Variants in NRXN3 observed in about 807,000 individuals in gnomAD.
NRXN3 encodes neurexin III.
A neutral mutation model predicts 137.6 loss-of-function variants in NRXN3; 32 were observed. That is an observed-to-expected ratio of 0.23 (90% CI 0.18 to 0.31). NRXN3 has a LOEUF of 0.31. Ranked by LOEUF, NRXN3 falls within the 10% of genes least tolerant of loss-of-function variation. NRXN3 has a pLI of 1.00. For missense variants in NRXN3, 1,574 were observed against 2,062.5 expected (o/e 0.76, Z 4.59); for synonymous variants, 798 against 784.5 (o/e 1.02, Z -0.29).
intron 20 of NRXN3, among the ~76,000 whole-genome samples, chr14:79,843,567 G>A (rs1239588158): frequency 6.6e-6 from 1 of 152,128 alleles, no homozygotes. Flanking sequence ...TTTAATCAGA[G>A]TACAACCTCT....
intron 1 of NRXN3, among the ~76,000 whole-genome samples, chr14:78,222,641 G>T (rs536262025): frequency 6.6e-6 from 1 of 152,278 alleles, no homozygotes; most frequent in East Asian, 1.9e-4. Context: ...GGAAGCCAGA[G>T]GGTGAGTGTG....
At chr14:79,675,822 T>G (rs914732066) in intron 17 of NRXN3, among the ~76,000 whole-genome samples, 2 of 152,122 alleles carry the variant, frequency 1.3e-5, no homozygotes, top group African/African-American at 2.4e-5. Flanking sequence ...TTGAAGATGA[T>G]GGACAGAAAG....
intron 15 of NRXN3, among the ~76,000 whole-genome samples, chr14:79,095,453 A>C (rs2152822039): frequency 6.6e-6 from 1 of 152,246 alleles, no homozygotes; most frequent in East Asian, 1.9e-4. Context: ...GGCAGACTAG[A>C]GAGTTATCAA....
intron 15 of NRXN3, among the ~76,000 whole-genome samples, chr14:79,183,683 C>T (rs1223635725): frequency 6.6e-6 from 1 of 152,236 alleles, no homozygotes; most frequent in Non-Finnish European, 1.5e-5. Context: ...ACTGTGCTCA[C>T]ATAATGGCTA....
chr14:78,388,180 A>G (rs1244360442), intron 4 of NRXN3, among the ~76,000 whole-genome samples: 1 of 152,188 alleles, frequency 6.6e-6, no homozygotes, highest in Non-Finnish European at 1.5e-5. Context: ...CACTTCAGTT[A>G]CATAATGTGC....
chr14:79,731,050 T>C (rs1324343365), intron 19 of NRXN3, among the ~76,000 whole-genome samples: 1 of 152,174 alleles, frequency 6.6e-6, no homozygotes, highest in Non-Finnish European at 1.5e-5. Flanking sequence ...ATCTCCCTAT[T>C]ACAGGAAGAC....
Position 78,709,298 on chromosome 14 carries a change from G to A in NRXN3, c.1303G>A (p.Glu435Lys), listed in dbSNP as rs775873300. 22 of 1,613,998 alleles carry A rather than the reference G, an allele frequency of 1.4e-5. No individual in the cohort carries two copies. The highest frequency in any genetic ancestry group is 6.7e-5 in the Admixed American group (4 of 59,992). Reference protein sequence around the residue: ...IADTKMKIYGEVVFKCENVAT... With the variant: ...IADTKMKIYGKVVFKCENVAT... ...GGACACCAAGATGAAAATCTATGGCGAAGTTGTGTTTAAGTGTGAGAATGT... is the reference window on the plus strand; with the variant it reads ...GGACACCAAGATGAAAATCTATGGCAAAGTTGTGTTTAAGTGTGAGAATGT... The change falls in exon 7 of 21, where the codon GAA becomes AAA. Residue 435 changes from glutamate (E) to lysine (K), a missense_variant. This residue lies in a region of NRXN3 where 718 missense variants were observed against 887.6 expected (regional missense o/e 0.81). Coordinates refer to ENST00000335750, the MANE Select transcript of NRXN3 (RefSeq NM_001330195.2).
At chr14:78,383,622 TA>T (rs1567430871) in intron 4 of NRXN3, among the ~76,000 whole-genome samples, 1 of 152,232 alleles carries the variant, frequency 6.6e-6, no homozygotes. Context: ...AACAATAATA[TA>T]AAACTGCATA....
chr14:78,503,764 A>T (rs563111896), intron 4 of NRXN3, among the ~76,000 whole-genome samples: 40 of 152,270 alleles, frequency 2.6e-4, no homozygotes, highest in African/African-American at 9.4e-4. Flanking sequence ...AAGGAGGAAC[A>T]TCATACTAGA....
rs77390516 is a variant in NRXN3, at chr14:79,357,189, CA to C, written c.3263-110030del. Reference sequence around the variant, plus strand: ...TTATAAATATTTGTATGAAGTAATACAAGAGACATTTCAACAGAAAACCATG... The same window carrying C: ...TTATAAATATTTGTATGAAGTAATACAGAGACATTTCAACAGAAAACCATG... On this transcript the variant is annotated intron_variant, in intron 15 of 20. Transcript: ENST00000335750. 8.1e-3 allele frequency among the ~76,000 whole-genome samples: 1,226 copies of C among 152,222 alleles called. 25 individuals carry two copies. The highest frequency in any genetic ancestry group is 0.08 in the South Asian group (385 of 4,830).
chr14:79,363,096 G>A (rs1272041513), intron 15 of NRXN3, among the ~76,000 whole-genome samples: 4 of 151,828 alleles, frequency 2.6e-5, no homozygotes, highest in Admixed American at 2.0e-4. Flanking sequence ...CACCTCCTGG[G>A]TTCAAGCAAT....
intron 15 of NRXN3, among the ~76,000 whole-genome samples, chr14:78,993,978 T>G (rs1326312132): frequency 6.6e-6 from 1 of 151,366 alleles, no homozygotes; most frequent in East Asian, 2.0e-4. Flanking sequence ...GTCTCCTGAG[T>G]AGCTGGGATT....
intron 4 of NRXN3, among the ~76,000 whole-genome samples, chr14:78,434,162 A>G (rs1335551705): frequency 2.0e-5 from 3 of 152,194 alleles, no homozygotes; most frequent in East Asian, 1.9e-4. Flanking sequence ...GAATGGTTGT[A>G]TGGGTGCTCA....
At chr14:78,170,854 A>G (rs1234130705) in intron 1 of NRXN3, among the ~76,000 whole-genome samples, 180 bp downstream of exon 1, 1 of 152,028 alleles carries the variant, frequency 6.6e-6, no homozygotes, top group African/African-American at 2.4e-5. Flanking sequence ...TGGCTTTTCA[A>G]CTGCCTTTCT....
chr14:78,583,663 G>A (rs1366000976), intron 4 of NRXN3, among the ~76,000 whole-genome samples: 1 of 152,200 alleles, frequency 6.6e-6, no homozygotes, highest in East Asian at 1.9e-4. Context: ...AGTTGATTCT[G>A]GGTATGTCTG....
At chr14:79,658,771 T>G (rs2098518842) in intron 16 of NRXN3, among the ~76,000 whole-genome samples, 1 of 152,204 alleles carries the variant, frequency 6.6e-6, no homozygotes, top group Non-Finnish European at 1.5e-5. Flanking sequence ...TGCCTAGCAC[T>G]GAACTAACAA....
rs538913040 is a variant in NRXN3, at chr14:79,273,951, G to A, written c.3263-193270G>A. Among the ~76,000 whole-genome samples, 3 of 151,962 alleles carry A rather than the reference G, an allele frequency of 2.0e-5. No individual in the cohort carries two copies. In the South Asian group the frequency reaches 6.2e-4, roughly 32 times the overall value. On this transcript the variant is annotated intron_variant, in intron 15 of 20. Coordinates refer to ENST00000335750, the MANE Select transcript of NRXN3 (RefSeq NM_001330195.2). ...CTCTACTAAATATACAAAAAAATTA[G>A]CCGGGCATGGTGGTGCATTCCTGTA...
intron 10 of NRXN3, among the ~76,000 whole-genome samples, chr14:78,886,200 G>A (rs1246659984): frequency 6.6e-6 from 1 of 152,076 alleles, no homozygotes; most frequent in African/African-American, 2.4e-5. Context: ...TAAATGATCT[G>A]TGTCATATCC....
chr14:79,149,529 T>A (rs1419648406), intron 15 of NRXN3, among the ~76,000 whole-genome samples: 2 of 152,202 alleles, frequency 1.3e-5, no homozygotes, highest in Admixed American at 6.5e-5. Context: ...GGAATATAAA[T>A]CATTCTGTTA....
Sources: gnomAD v4.1 joint callset for allele counts (sites outside exome capture counted in the v4.1 genomes callset) on GRCh38, gnomAD v4.1.1 for gene constraint, gnomAD v4.1.1 regional missense constraint, MANE v1.5 for transcripts, NCBI Gene and HGNC (gene_info 2026-07-23, HGNC 2026-07-21) for gene names.